Variants in IL1RAPL1 observed in about 807,000 individuals in gnomAD.
IL1RAPL1 encodes interleukin 1 receptor accessory protein like 1, also known as interleukin-1 receptor accessory protein-like 1.
Under a neutral mutation model 48.4 loss-of-function variants are expected in IL1RAPL1, and 3 were observed. That is an observed-to-expected ratio of 0.06 (90% CI 0.03 to 0.16). IL1RAPL1 has a LOEUF of 0.16. Among genes scored for constraint, IL1RAPL1 ranks in the 10% least tolerant of loss-of-function variants. The pLI is 1.00. For synonymous variants in IL1RAPL1, 185 were observed against 187.7 expected, an observed-to-expected ratio of 0.99 and a Z score of 0.12; for missense variants, 349 against 530.6, an observed-to-expected ratio of 0.66 and a Z score of 3.36.
intron 2 of IL1RAPL1, among the ~76,000 whole-genome samples, chrX:29,167,836 C>T (rs1230481646): frequency 9.1e-6 from 1 of 110,148 alleles, no homozygotes; most frequent in Admixed American, 9.8e-5. Context: ...TGGCCAACAC[C>T]TAAATTGATT....
chrX:28,880,087 T>G (rs2147313381), intron 2 of IL1RAPL1, among the ~76,000 whole-genome samples: 1 of 112,613 alleles, frequency 8.9e-6, no homozygotes, highest in African/African-American at 3.2e-5. Context: ...AAAATTAAAA[T>G]TATTCAATTC....
At chrX:29,509,550 C>T (rs993129705) in intron 5 of IL1RAPL1, among the ~76,000 whole-genome samples, 11 of 112,083 alleles carry the variant, frequency 9.8e-5, no homozygotes, top group Non-Finnish European at 1.9e-5. Flanking sequence ...GAACATTGAA[C>T]CTAAGTTTGT....
intron 1 of IL1RAPL1, among the ~76,000 whole-genome samples, chrX:28,664,361 G>A (rs182808068): frequency 8.9e-6 from 1 of 111,951 alleles, no homozygotes; most frequent in East Asian, 2.8e-4. Flanking sequence ...ACTGTGACTT[G>A]GGAAAATATG....
chrX:29,942,574 T>C (rs1933148542), intron 9 of IL1RAPL1, among the ~76,000 whole-genome samples: 1 of 110,545 alleles, frequency 9.0e-6, no homozygotes, highest in African/African-American at 3.3e-5. Context: ...GGGAAGCATA[T>C]GCAAACTGAC....
chrX:29,487,465 T>C (rs1211650935), intron 5 of IL1RAPL1, among the ~76,000 whole-genome samples: 1 of 111,729 alleles, frequency 9.0e-6, no homozygotes, highest in South Asian at 3.7e-4. Flanking sequence ...GGATCAGATA[T>C]GTACAAGTGT....
At chrX:28,924,014 T>A (rs1047081423) in intron 2 of IL1RAPL1, 4 of 111,498 alleles carry the variant, frequency 3.6e-5, no homozygotes, top group Admixed American at 2.9e-4. Flanking sequence ...GGTATCTTCT[T>A]TCAGTGGCTC....
chrX:28,980,071 G>T (rs1385423351), intron 2 of IL1RAPL1, among the ~76,000 whole-genome samples: 1 of 112,196 alleles, frequency 8.9e-6, no homozygotes, highest in Non-Finnish European at 1.9e-5. Context: ...CTAAGACTCA[G>T]TGTGATTTAT....
intron 2 of IL1RAPL1, among the ~76,000 whole-genome samples, chrX:29,230,523 A>C (rs1269828657): frequency 1.6e-4 from 15 of 93,323 alleles, no homozygotes; most frequent in East Asian, 6.6e-4. Flanking sequence ...AAAAAAAAAA[A>C]AAAAAAAAAA....
At chrX:28,768,759 A>C (rs201133231) in intron 1 of IL1RAPL1, among the ~76,000 whole-genome samples, 4,109 of 65,353 alleles carry the variant, frequency 0.063, 150 homozygotes, top group Non-Finnish European at 0.08. Flanking sequence ...CTCTCTCTAT[A>C]TATATATATA....
chrX:29,589,177 A>G (rs1311127958), intron 5 of IL1RAPL1, among the ~76,000 whole-genome samples: 2 of 112,241 alleles, frequency 1.8e-5, no homozygotes, highest in East Asian at 5.6e-4. Context: ...TCTACTGATA[A>G]TGCATTTTCC....
chrX:29,737,945 A>T (rs1168916161), intron 6 of IL1RAPL1, among the ~76,000 whole-genome samples: 1 of 112,504 alleles, frequency 8.9e-6, no homozygotes. Flanking sequence ...ATGGCTTAGA[A>T]GATGTTCATA....
At chrX:29,015,469 G>T (rs1926220243) in intron 2 of IL1RAPL1, among the ~76,000 whole-genome samples, 2 of 110,592 alleles carry the variant, frequency 1.8e-5, no homozygotes, top group Non-Finnish European at 3.8e-5. Flanking sequence ...TAGATGCCAT[G>T]AGTAAGTTGA....
At chrX:28,747,198 T>C (rs1179056218) in intron 1 of IL1RAPL1, among the ~76,000 whole-genome samples, 1 of 111,603 alleles carries the variant, frequency 9.0e-6, no homozygotes, top group African/African-American at 3.3e-5. Flanking sequence ...CATTAGTCAT[T>C]TTTTATGGTA....
At chrX:29,545,183 CTAT>C (rs1921578752) in intron 5 of IL1RAPL1, among the ~76,000 whole-genome samples, 2 of 4,514 alleles carry the variant, frequency 4.4e-4, no homozygotes, top group Middle Eastern at 0.059. Context: ...CTAATCCTAT[CTAT>C]CTATCTATCT....
intron 2 of IL1RAPL1, among the ~76,000 whole-genome samples, chrX:29,189,518 G>A (rs1471331551): frequency 1.8e-5 from 2 of 110,794 alleles, no homozygotes; most frequent in Non-Finnish European, 3.8e-5. Flanking sequence ...TAAGTTCTCA[G>A]AAGAATTATA....
intron 6 of IL1RAPL1, among the ~76,000 whole-genome samples, chrX:29,908,647 G>T (rs777847872): frequency 9.0e-6 from 1 of 111,399 alleles, no homozygotes; most frequent in East Asian, 2.8e-4. Context: ...AAACTATAGA[G>T]AATTTTATAT....
At chrX:28,960,425 CTG>C (rs770354879) in intron 2 of IL1RAPL1, among the ~76,000 whole-genome samples, 1 of 111,640 alleles carries the variant, frequency 9.0e-6, no homozygotes, top group East Asian at 2.8e-4. Context: ...GTCAACCAAA[CTG>C]TTCAATAGGA....
chrX:28,912,213 A>G (rs1202045083), intron 2 of IL1RAPL1, among the ~76,000 whole-genome samples: 1 of 109,519 alleles, frequency 9.1e-6, no homozygotes, highest in Non-Finnish European at 1.9e-5. Flanking sequence ...TTGGGGAGGG[A>G]TAACAGTAGC....
chrX:29,239,360 T>C (rs1406831256), intron 2 of IL1RAPL1, among the ~76,000 whole-genome samples: 1 of 112,716 alleles, frequency 8.9e-6, no homozygotes, highest in Non-Finnish European at 1.9e-5. Flanking sequence ...TGATATTTTT[T>C]AAATGGAGAT....
Sources: allele counts gnomAD v4.1 joint callset (sites outside exome capture counted in the v4.1 genomes callset), GRCh38; gene constraint gnomAD v4.1.1; transcripts MANE v1.5; gene names NCBI Gene and HGNC (gene_info 2026-07-23, HGNC 2026-07-21).